ADAMTSL1: variants seen among roughly 807,000 people sequenced by gnomAD.
The protein encoded by ADAMTSL1 is ADAMTS like 1.
In ADAMTSL1, 126 loss-of-function variants were observed where a neutral mutation model predicts 201.8. The observed-to-expected ratio is 0.62, with a 90% confidence interval of 0.54 to 0.72. The LOEUF is 0.72. Ranked by LOEUF, ADAMTSL1 falls within the 30% of genes least tolerant of loss-of-function variation. ADAMTSL1 has a pLI of 0.00. For synonymous variants in ADAMTSL1, 1,121 were observed against 903.4 expected, an observed-to-expected ratio of 1.24 and a Z score of -4.32; for missense variants, 2,679 against 2,277.8, an observed-to-expected ratio of 1.18 and a Z score of -3.59.
intron 16 of ADAMTSL1, among the ~76,000 whole-genome samples, chr9:18,769,081 T>G (rs1180585127): frequency 6.6e-6 from 1 of 152,158 alleles, no homozygotes; most frequent in Admixed American, 6.5e-5. Flanking sequence ...CCAGGAGACC[T>G]TGAGGTGCAT....
intron 23 of ADAMTSL1, among the ~76,000 whole-genome samples, chr9:18,881,967 T>A (rs1012086240): frequency 6.6e-6 from 1 of 152,026 alleles, no homozygotes; most frequent in Non-Finnish European, 1.5e-5. Context: ...CCAAGAGAGG[T>A]TTCCTGGCTA....
intron 1 of ADAMTSL1, among the ~76,000 whole-genome samples, chr9:18,148,231 C>T (rs996161163): frequency 2.0e-5 from 3 of 151,452 alleles, no homozygotes; most frequent in Non-Finnish European, 4.4e-5. Context: ...AAAAAGCTCA[C>T]ATTTTTTCAT....
At chr9:18,762,695 T>A (rs1820143901) in intron 16 of ADAMTSL1, among the ~76,000 whole-genome samples, 1 of 152,066 alleles carries the variant, frequency 6.6e-6, no homozygotes, top group African/African-American at 2.4e-5. Context: ...GCTCTCTATG[T>A]CCATGAGTTC....
intron 23 of ADAMTSL1, among the ~76,000 whole-genome samples, chr9:18,878,563 G>T (rs560914537): frequency 9.5e-4 from 145 of 152,292 alleles, no homozygotes; most frequent in African/African-American, 3.3e-3. Flanking sequence ...TAGACCTTCA[G>T]GTTCCCCAGT....
rs533359149 is a variant in ADAMTSL1 at position 18,134,696 on chromosome 9, AT to A, written c.88-29163del. The stretch of plus-strand genomic sequence containing the variant: ...CTTTCTTTAAAGTAAACAGCCTTAG[AT>A]TTACTAAAGTCATTATCGAATATAG... On this transcript the variant is annotated intron_variant, in intron 1 of 29. Transcript: ENST00000680146. 6.6e-3 allele frequency among the ~76,000 whole-genome samples: 1,007 copies of A among 152,288 alleles called. 11 individuals carry two copies. Among genetic ancestry groups the A allele is most frequent in the African/African-American group, 0.022 (903 of 41,562 alleles).
intron 16 of ADAMTSL1, among the ~76,000 whole-genome samples, chr9:18,753,874 T>C (rs148293554): frequency 6.6e-6 from 1 of 152,382 alleles, no homozygotes; most frequent in African/African-American, 2.4e-5. Context: ...TCTAGTTTTT[T>C]TGCTGTTTAA....
At chr9:18,077,076 A>G (rs560933322) in intron 1 of ADAMTSL1, among the ~76,000 whole-genome samples, 30 of 152,180 alleles carry the variant, frequency 2.0e-4, no homozygotes, top group Non-Finnish European at 4.0e-4. Flanking sequence ...AAAGAGAAGC[A>G]GTCTGGGAGG....
Position 18,714,439 on chromosome 9 carries a change from A to G in ADAMTSL1, c.1877-7097A>G, listed in dbSNP as rs183126787. ...ATCACCACCGATCCCACAGAAATAC[A>G]AAGTACCATCAGAGAATACTACAAA... On this transcript the variant is annotated intron_variant, in intron 14 of 28. Transcript: ENST00000380548. 4.3e-3 allele frequency among the ~76,000 whole-genome samples: 654 copies of G among 152,318 alleles called. 10 individuals carry two copies. The highest frequency in any genetic ancestry group is 0.033 in the Admixed American group (506 of 15,282).
chr9:18,159,100 A>G (rs562202326), intron 1 of ADAMTSL1, among the ~76,000 whole-genome samples: 1 of 152,182 alleles, frequency 6.6e-6, no homozygotes, highest in East Asian at 1.9e-4. Context: ...ATAGGTGTAC[A>G]TTCAAATAAT....
chr9:18,629,816 A>T (rs1388689329), intron 5 of ADAMTSL1, among the ~76,000 whole-genome samples: 1 of 151,974 alleles, frequency 6.6e-6, no homozygotes, highest in Admixed American at 6.6e-5. Context: ...AATTGAATAT[A>T]TTTATTCTTT....
intron 2 of ADAMTSL1, among the ~76,000 whole-genome samples, chr9:18,267,619 A>G (rs1283508061): frequency 6.6e-6 from 1 of 152,142 alleles, no homozygotes; most frequent in Non-Finnish European, 1.5e-5. Flanking sequence ...GAAAGAATAG[A>G]CAGAATTCTA....
chr9:18,625,562 C>G (rs897855726), intron 5 of ADAMTSL1, among the ~76,000 whole-genome samples: 1 of 152,118 alleles, frequency 6.6e-6, no homozygotes, highest in Non-Finnish European at 1.5e-5. Flanking sequence ...TTCATTTTTT[C>G]TAGTTACTTC....
intron 1 of ADAMTSL1, among the ~76,000 whole-genome samples, chr9:17,943,444 A>C (rs4517213): frequency 6.6e-6 from 1 of 152,116 alleles, no homozygotes; most frequent in East Asian, 1.9e-4. Flanking sequence ...CAAGGCAGAG[A>C]TAATTTTTCT....
intron 15 of ADAMTSL1, among the ~76,000 whole-genome samples, chr9:18,731,052 G>A (rs987048050): frequency 6.6e-6 from 1 of 152,164 alleles, no homozygotes; most frequent in Non-Finnish European, 1.5e-5. Context: ...GGTCATCTCA[G>A]CATGGTTTTT....
intron 1 of ADAMTSL1, among the ~76,000 whole-genome samples, chr9:18,101,401 G>A (rs2131848772): frequency 6.6e-6 from 1 of 152,028 alleles, no homozygotes; most frequent in African/African-American, 2.4e-5. Flanking sequence ...AGGTGTCTGA[G>A]GCAGGAGAAT....
At chr9:17,925,968 T>C (rs1049561085) in intron 1 of ADAMTSL1, among the ~76,000 whole-genome samples, 1 of 152,144 alleles carries the variant, frequency 6.6e-6, no homozygotes, top group African/African-American at 2.4e-5. Flanking sequence ...CAATTGTTGC[T>C]ACATTCTTGG....
At chr9:18,468,139 C>T (rs1023791861) in intron 2 of ADAMTSL1, among the ~76,000 whole-genome samples, 1 of 152,178 alleles carries the variant, frequency 6.6e-6, no homozygotes, top group Non-Finnish European at 1.5e-5. Flanking sequence ...TAGCATTGTG[C>T]ATTGCATACA....
At chr9:18,583,763 A>G (rs1368423990) in intron 4 of ADAMTSL1, among the ~76,000 whole-genome samples, 3 of 152,188 alleles carry the variant, frequency 2.0e-5, no homozygotes, top group African/African-American at 7.2e-5. Context: ...TGATCCAGAT[A>G]TGAGACAGGA....
chr9:18,111,530 A>T lies in ADAMTSL1; in HGVS notation c.88-52332A>T, dbSNP rs142678971. The stretch of plus-strand genomic sequence containing the variant: ...TGAAATGGGAAGTCATTTACTGCCA[A>T]AAAAGAAAGCTGTGCAAAACCTATC... On this transcript the variant is annotated intron_variant, in intron 1 of 29. Transcript: ENST00000680146. Among the ~76,000 whole-genome samples the T allele has an allele frequency of 3.9e-5, 6 of 152,286 alleles. No individual in the cohort carries two copies. In the East Asian group the frequency reaches 9.7e-4, roughly 25 times the overall value.
Sources: allele counts gnomAD v4.1 joint callset (sites outside exome capture counted in the v4.1 genomes callset), GRCh38; gene constraint gnomAD v4.1.1; transcripts MANE v1.5; gene names NCBI Gene and HGNC (gene_info 2026-07-23, HGNC 2026-07-21).